The following CAMSAP2 variants were observed in gnomAD, a reference collection of about 807,000 sequenced individuals.
CAMSAP2 encodes the protein calmodulin regulated spectrin associated protein family member 2.
A neutral mutation model predicts 146.1 loss-of-function variants in CAMSAP2; 26 were observed. That is an observed-to-expected ratio of 0.18 (90% CI 0.13 to 0.25). The LOEUF (loss-of-function observed/expected upper bound fraction) is 0.25. Among genes scored for constraint, CAMSAP2 ranks in the 10% least tolerant of loss-of-function variants. The pLI, the probability that CAMSAP2 is intolerant of heterozygous loss-of-function variation, is 1.00. For missense variants in CAMSAP2, 1,381 were observed against 1,759.3 expected, an observed-to-expected ratio of 0.78 and a Z score of 3.85; for synonymous variants, 499 against 596.6, an observed-to-expected ratio of 0.84 and a Z score of 2.38.
At chr1:200,842,151 C>CT (rs1667339726) in intron 7 of CAMSAP2, 64 bp downstream of exon 7, 2 of 1,174,752 alleles carry the variant, frequency 1.7e-6, no homozygotes, top group African/African-American at 3.1e-5. Context: ...TTGATATAAC[C>CT]TTACCTGGTT....
rs2292096 is a variant in CAMSAP2, at chr1:200,857,641, A to G, written c.4132-113A>G. 122,278 of 1,016,006 alleles carry G rather than the reference A, an allele frequency of 0.12. 7,734 individuals carry two copies. Among genetic ancestry groups the G allele is most frequent in the African/African-American group, 0.19 (11,334 of 61,214 alleles). 62.9% of individuals were successfully genotyped at this position (1,016,006 alleles called of 1,614,324 possible). A position where few individuals can be genotyped will look rare whatever the true frequency, so the allele number is the denominator to read the frequency against. ...AATAGGCTTTAAGATTTGTCATTGAAATAATGTTATAAAATGTGACTAAGA... is the reference window on the plus strand; with the variant it reads ...AATAGGCTTTAAGATTTGTCATTGAGATAATGTTATAAAATGTGACTAAGA... On this transcript the variant is annotated intron_variant, in intron 16 of 16. Transcript: ENST00000358823. The surrounding 1 kb of genome is among the most constrained non-coding windows in gnomAD (Gnocchi z 4.7).
At chr1:200,815,117 T>C (rs1666446933) in intron 3 of CAMSAP2, among the ~76,000 whole-genome samples, 1 of 152,170 alleles carries the variant, frequency 6.6e-6, no homozygotes, top group Non-Finnish European at 1.5e-5. Flanking sequence ...CCCATGATCA[T>C]GGATATGTCT....
At chr1:200,802,677 A>AT (rs992800114) in intron 2 of CAMSAP2, among the ~76,000 whole-genome samples, 28 of 151,624 alleles carry the variant, frequency 1.8e-4, no homozygotes, top group Middle Eastern at 3.4e-3. Flanking sequence ...TCATTTTAGG[A>AT]TTTTTTTTTA....
chr1:200,822,170 ACACACG>A (rs1483269932), intron 4 of CAMSAP2, among the ~76,000 whole-genome samples: 2 of 144,506 alleles, frequency 1.4e-5, no homozygotes, highest in East Asian at 4.3e-4. Flanking sequence ...ACACACACAC[ACACACG>A]TAAATTGTTC....
chr1:200,779,052 G>T (rs1665362198), intron 2 of CAMSAP2, among the ~76,000 whole-genome samples: 1 of 152,124 alleles, frequency 6.6e-6, no homozygotes, highest in Non-Finnish European at 1.5e-5. Context: ...GTAGAGTTAG[G>T]GCTGGAGGAG....
intron 14 of CAMSAP2, 96 bp from the exon 15 acceptor site, chr1:200,855,914 C>G: frequency 1.3e-6 from 1 of 796,328 alleles, no homozygotes; most frequent in Non-Finnish European, 2.1e-6. Context: ...TATTTTTAGG[C>G]CTTTAGGTTG....
chr1:200,842,866 C>G (rs904506860), intron 7 of CAMSAP2, among the ~76,000 whole-genome samples: 1 of 151,630 alleles, frequency 6.6e-6, no homozygotes, highest in Non-Finnish European at 1.5e-5. Flanking sequence ...ATTCCAGCTA[C>G]TCGGGAGGCT....
intron 4 of CAMSAP2, among the ~76,000 whole-genome samples, chr1:200,831,630 GTTTT>G (rs546429195): frequency 8.7e-4 from 121 of 139,444 alleles, no homozygotes; most frequent in African/African-American, 2.9e-3. Context: ...AGTTGGAAGG[GTTTT>G]TTTTTTTTTC....
Position 200,847,217 on chromosome 1 carries a change from G to A in CAMSAP2, c.1117G>A (p.Gly373Arg), listed in dbSNP as rs1258062930. The stretch of plus-strand genomic sequence containing the variant: ...ATTTATTTTCCATTGCAGTGGGGAA[G>A]GAGCTACATTTACACAGTCTCATCA... ...SSSDFPSSGEGATFTQSHHHL... is the reference protein window; with the variant it reads ...SSSDFPSSGERATFTQSHHHL... The change falls in exon 9 of 17, where the codon GGA (glycine) becomes AGA (arginine). Residue 373 changes from glycine (G) to arginine (R), a missense_variant. Gly to Arg is a moderately radical substitution (Grantham distance 125). This residue lies in a region of CAMSAP2 where 447 missense variants were observed against 462.2 expected (regional missense o/e 0.97). Transcript: ENST00000358823. The A allele has an allele frequency of 1.2e-6, 2 of 1,605,694 alleles. No homozygotes were observed. Among genetic ancestry groups the A allele is most frequent in the African/African-American group, 1.3e-5 (1 of 74,728 alleles).
chr1:200,805,472 G>T (rs1199884853), intron 2 of CAMSAP2, among the ~76,000 whole-genome samples: 3 of 152,190 alleles, frequency 2.0e-5, no homozygotes, highest in African/African-American at 7.2e-5. Flanking sequence ...TCATATGCAG[G>T]TGACTGTGCA....
chr1:200,817,220 A>ATAAG (rs1558192223), intron 4 of CAMSAP2, among the ~76,000 whole-genome samples: 19 of 108,458 alleles, frequency 1.8e-4, no homozygotes, highest in Admixed American at 1.1e-3. Context: ...ATACACACAT[A>ATAAG]TGTGTGTGTA....
chr1:200,774,909 T>G (rs1665229741), intron 2 of CAMSAP2, among the ~76,000 whole-genome samples: 1 of 152,196 alleles, frequency 6.6e-6, no homozygotes, highest in South Asian at 2.1e-4. Flanking sequence ...AGTACTTGAC[T>G]CATTCAATAA....
chr1:200,835,456 T>C (rs969159609), intron 6 of CAMSAP2, among the ~76,000 whole-genome samples: 1 of 152,168 alleles, frequency 6.6e-6, no homozygotes, highest in African/African-American at 2.4e-5. Context: ...TCGGCAGATA[T>C]TTACTGAGTA....
chr1:200,742,000 T>G lies in CAMSAP2; in HGVS notation c.139+2034T>G, dbSNP rs563207282. Among the ~76,000 whole-genome samples the G allele has an allele frequency of 2.6e-5, 4 of 152,300 alleles. No homozygotes were observed. In the South Asian group the frequency reaches 8.3e-4, roughly 32 times the overall value. On this transcript the variant is annotated intron_variant, in intron 1 of 16. Transcript: ENST00000358823. ...GTCTGACTCAAAAGGGTAAAGGTAT[T>G]GGTGGAGGTGGAACACTGCTGTTAG...
chr1:200,760,527 C>T (rs894677720), intron 1 of CAMSAP2, among the ~76,000 whole-genome samples: 2 of 152,248 alleles, frequency 1.3e-5, no homozygotes, highest in Middle Eastern at 3.4e-3. Flanking sequence ...TCTTATAGTT[C>T]ATTCTGTAGA....
chr1:200,849,359 C>G lies in CAMSAP2; in HGVS notation c.2590C>G (p.Leu864Val). 1 of 1,614,024 alleles carries G rather than the reference C, an allele frequency of 6.2e-7. No individual in the cohort carries two copies. The highest frequency in any genetic ancestry group is 1.7e-5 in the Admixed American group (1 of 59,974). ...TPIDPEKQWNLASPSEETLNE... is the reference protein window; with the variant it reads ...TPIDPEKQWNVASPSEETLNE... ...TATTGATCCTGAGAAGCAGTGGAAC[C>G]TGGCAAGCCCCTCAGAAGAAACTTT... is the stretch of plus-strand genomic sequence containing the variant. The change falls in exon 11 of 17, where the codon CTG (leucine) becomes GTG (valine). Residue 864 changes from leucine (L) to valine (V), a missense_variant. Transcript: ENST00000358823. This position sits in a 1 kb window ranked among gnomAD's most constrained non-coding sequence, Gnocchi z 6.3.
rs550879435 is a variant in CAMSAP2, at chr1:200,739,854, G to T, written c.27G>T (p.Glu9Asp). The change falls in exon 1 of 17, where the codon GAG becomes GAT. Residue 9 changes from glutamate to aspartate, a missense_variant. Physicochemically the swap from Glu to Asp is conservative, Grantham distance 45. Coordinates refer to ENST00000358823, the MANE Select transcript of CAMSAP2 (RefSeq NM_203459.4). The surrounding 1 kb of genome is among the most constrained non-coding windows in gnomAD (Gnocchi z 4.8). MGDAADPREMRKTFIVPAI... is the reference protein window; with the variant it reads MGDAADPRDMRKTFIVPAI... ...TGGGGGATGCTGCAGACCCCAGGGA[G>T]ATGAGAAAGACGTTCATTGTTCCAG... 1 of 1,614,180 alleles carries T rather than the reference G, an allele frequency of 6.2e-7. No homozygotes were observed. Among genetic ancestry groups the T allele is most frequent in the East Asian group, 2.2e-5 (1 of 44,866 alleles).
intron 1 of CAMSAP2, among the ~76,000 whole-genome samples, chr1:200,749,867 G>A (rs561025650): frequency 2.6e-5 from 4 of 152,134 alleles, no homozygotes; most frequent in Non-Finnish European, 5.9e-5. Context: ...TCTGAAAGGA[G>A]GTAAAGAATA....
intron 3 of CAMSAP2, among the ~76,000 whole-genome samples, chr1:200,813,029 C>T (rs1052517210): frequency 6.6e-6 from 1 of 152,200 alleles, no homozygotes. Flanking sequence ...TTGTCTTAGT[C>T]TGTTTGGGTT....
Sources: gnomAD v4.1 joint callset for allele counts (sites outside exome capture counted in the v4.1 genomes callset) on GRCh38, gnomAD v4.1.1 for gene constraint, gnomAD v4.1.1 regional missense constraint, Gnocchi (gnomAD v3.1) non-coding constraint, MANE v1.5 for transcripts, NCBI Gene and HGNC (gene_info 2026-07-23, HGNC 2026-07-21) for gene names.